Variants in TEN1 observed in about 807,000 individuals in gnomAD.
The protein encoded by TEN1 is CST complex subunit TEN1.
In TEN1, 6 loss-of-function variants were observed where a neutral mutation model predicts 9.3. That is an observed-to-expected ratio of 0.65 (90% CI 0.35 to 1.27). The LOEUF (loss-of-function observed/expected upper bound fraction) is 1.27. Among genes scored for constraint, TEN1 ranks in the 50% most tolerant of loss-of-function variants. The pLI is 0.03. For synonymous variants in TEN1, 65 were observed against 65.6 expected (o/e 0.99, Z 0.04); for missense variants, 149 against 158.2 (o/e 0.94, Z 0.31).
intron 2 of TEN1, among the ~76,000 whole-genome samples, chr17:75,987,954 C>A (rs1204251374): frequency 1.4e-5 from 2 of 142,714 alleles, no homozygotes; most frequent in Admixed American, 7.1e-5. Context: ...AGTATTTTAA[C>A]CTAGCCTGGG....
rs1000735619 is a variant in TEN1 at position 75,990,693 on chromosome 17, G to A, written c.93-773G>A. On this transcript the variant is annotated intron_variant, in intron 2 of 3. Transcript: ENST00000397640. ...TACAAAAAATTAAAATATTAGCCAC[G>A]TGTGATGGCAAGTACCTATAGTCCC... 1.3e-5 allele frequency among the ~76,000 whole-genome samples: 2 copies of A among 150,822 alleles called. 1 individual carries two copies. Among genetic ancestry groups the A allele is most frequent in the Non-Finnish European group, 2.9e-5 (2 of 67,868 alleles).
chr17:75,980,939 C>T (rs1022216790), intron 1 of TEN1, among the ~76,000 whole-genome samples: 1 of 152,160 alleles, frequency 6.6e-6, no homozygotes, highest in East Asian at 1.9e-4. Flanking sequence ...ACAGTGCCTG[C>T]CCCGCTAAAG....
At chr17:75,992,226 A>AT (rs1399934586) in intron 3 of TEN1, among the ~76,000 whole-genome samples, 2 of 133,818 alleles carry the variant, frequency 1.5e-5, no homozygotes, top group Non-Finnish European at 3.4e-5. Flanking sequence ...GAGTCTTAAA[A>AT]ATTTTTTTTT....
chr17:75,996,404 G>C (rs2066218005), intron 3 of TEN1, among the ~76,000 whole-genome samples: 1 of 152,100 alleles, frequency 6.6e-6, no homozygotes, highest in South Asian at 2.1e-4. Flanking sequence ...AGAATCGCTT[G>C]AAACTGGGAG....
intron 1 of TEN1, among the ~76,000 whole-genome samples, chr17:75,980,427 C>T (rs1367173184): frequency 1.4e-5 from 2 of 146,704 alleles, no homozygotes; most frequent in African/African-American, 2.6e-5. Context: ...CATCTCTAGT[C>T]ATTTTTTTTT....
intron 2 of TEN1, among the ~76,000 whole-genome samples, chr17:75,989,494 C>T (rs1224440601): frequency 6.6e-6 from 1 of 151,746 alleles, no homozygotes; most frequent in Non-Finnish European, 1.5e-5. Flanking sequence ...TCACTGCAAC[C>T]TCCAACTCCC....
In TEN1 at chr17:76,000,118, G is replaced by A. The variant is rs367769284; in HGVS notation, c.251-23G>A. 5.1e-5 allele frequency: 79 copies of A among 1,548,278 alleles called. No homozygotes were observed. The highest frequency in any genetic ancestry group is 1.6e-4 in the African/African-American group (12 of 73,072). ...TTGACACGCCGCTCAGTCGCCGTTC[G>A]TGCCCTGGTGTTTGTCTTGCAGACA... On this transcript the variant is annotated intron_variant, in intron 3 of 3. Transcript: ENST00000397640. The surrounding 1 kb of genome is among the most constrained non-coding windows in gnomAD (Gnocchi z 5.9).
At chr17:75,979,806 C>T (rs1003857309) in intron 1 of TEN1, among the ~76,000 whole-genome samples, 2 of 151,610 alleles carry the variant, frequency 1.3e-5, no homozygotes, top group Non-Finnish European at 1.5e-5. Flanking sequence ...AAGATAATGG[C>T]GTCTTTACTG....
Position 75,991,544 on chromosome 17 carries a change from C to T in TEN1, c.171C>T (p.Val57=). Reference sequence around the variant, plus strand: ...GATCCGATCAGCACCAGGTTCTTGTCTGTACCAAGTTGGTGGAGCCCTTCC... The same window carrying T: ...GATCCGATCAGCACCAGGTTCTTGTTTGTACCAAGTTGGTGGAGCCCTTCC... ...QHGSDQHQVL[V]CTKLVEPFHA... is the part of the protein sequence containing the mutation. The change falls in exon 3 of 4, where the codon GTC becomes GTT. Residue 57 remains valine (V), a synonymous_variant. Transcript: ENST00000397640. The T allele has an allele frequency of 6.4e-7, 1 of 1,552,354 alleles. No individual in the cohort carries two copies. Among genetic ancestry groups the T allele is most frequent in the Non-Finnish European group, 8.7e-7 (1 of 1,147,132 alleles).
rs530527000 is a variant in TEN1, at chr17:75,990,901, G to A, written c.93-565G>A. Among the ~76,000 whole-genome samples, 3 of 151,972 alleles carry A rather than the reference G, an allele frequency of 2.0e-5. 1 individual carries two copies. The South Asian group carries it at 6.2e-4, about 32-fold the overall frequency. On this transcript the variant is annotated intron_variant, in intron 2 of 3. Coordinates refer to ENST00000397640, the MANE Select transcript of TEN1 (RefSeq NM_001113324.3). The stretch of plus-strand genomic sequence containing the variant: ...GTGGTGGCTCATGCCTGTAATCCCA[G>A]TACTTTGGGAGGCTGAGGTGGGTGG...
In TEN1 at chr17:76,000,150, CCGTGGTGAAGGCGCG is replaced by C; in HGVS notation, c.265_279del (p.Val89_Val93del). 6.4e-7 allele frequency: 1 copy of C among 1,551,146 alleles called. No homozygotes were observed. The highest frequency in any genetic ancestry group is 8.7e-7 in the Non-Finnish European group (1 of 1,146,758). On this transcript the variant is annotated inframe_deletion, in exon 4 of 4. Transcript: ENST00000397640. This position sits in a 1 kb window ranked among gnomAD's most constrained non-coding sequence, Gnocchi z 5.9. ...GGTGTTTGTCTTGCAGACAGAGGCTCCGTGGTGAAGGCGCGCGTGCTGACCTGTGTGGAGGGGATG... is the reference window on the plus strand; with the variant it reads ...GGTGTTTGTCTTGCAGACAGAGGCTCCGTGCTGACCTGTGTGGAGGGGATG...
Position 75,979,425 on chromosome 17 carries a change from A to G in TEN1, c.-93A>G. 1 of 416,046 alleles carries G rather than the reference A, an allele frequency of 2.4e-6. No homozygotes were observed. Among genetic ancestry groups the G allele is most frequent in the Non-Finnish European group, 4.5e-6 (1 of 222,106 alleles). The allele number at this position is 416,046 out of a possible 1,614,324, so 25.8% of individuals were successfully genotyped here. On this transcript the variant is annotated 5_prime_UTR_variant, in exon 1 of 4. Coordinates refer to ENST00000397640, the MANE Select transcript of TEN1 (RefSeq NM_001113324.3). ...GGGCGTCCGGGGAGTGGGAAAATAA[A>G]GCACTTTTTGTATCCCGCCCCTCCC...
chr17:75,979,323 C>T lies in TEN1; in HGVS notation c.-195C>T. ...GGGGCCGGTCGCGGGGCAGACTAAT[C>T]CCCTGCTCCTGGCCAGGGGAGGCTC... On this transcript the variant is annotated 5_prime_UTR_variant, in exon 1 of 4. Coordinates refer to ENST00000397640, the MANE Select transcript of TEN1 (RefSeq NM_001113324.3). 6.7e-6 allele frequency: 4 copies of T among 598,686 alleles called. No homozygotes were observed. Among genetic ancestry groups the T allele is most frequent in the Non-Finnish European group, 1.2e-5 (4 of 337,164 alleles). 37.1% of individuals were successfully genotyped at this position (598,686 alleles called of 1,614,324 possible). A position where few individuals can be genotyped will look rare whatever the true frequency, so the allele number is the denominator to read the frequency against.
intron 2 of TEN1, among the ~76,000 whole-genome samples, chr17:75,991,162 AAAAAAAG>A (rs1399868085): frequency 7.3e-5 from 11 of 150,672 alleles, no homozygotes; most frequent in East Asian, 1.9e-4. Context: ...AAAAAAAAAA[AAAAAAAG>A]AAAAAAGAAA....
At chr17:75,983,872 A>G (rs971786500) in intron 1 of TEN1, among the ~76,000 whole-genome samples, 5 of 152,074 alleles carry the variant, frequency 3.3e-5, no homozygotes, top group African/African-American at 1.2e-4. Flanking sequence ...GGTGTCAGAC[A>G]TGCAAAAAAC....
At chr17:75,983,019 G>A (rs1211391754) in intron 1 of TEN1, among the ~76,000 whole-genome samples, 1 of 150,936 alleles carries the variant, frequency 6.6e-6, no homozygotes, top group African/African-American at 2.4e-5. Context: ...GGTGTCTCAC[G>A]CCTGTAGTCC....
intron 3 of TEN1, among the ~76,000 whole-genome samples, chr17:75,995,949 G>T (rs994100755): frequency 6.6e-6 from 1 of 152,068 alleles, no homozygotes; most frequent in Admixed American, 6.6e-5. Context: ...AATATTAGTG[G>T]GGTGTGGTGG....
Position 75,986,215 on chromosome 17 carries a change from CCTATTACCT to C in TEN1, c.25_33del (p.Tyr9_Leu11del). 6.5e-7 allele frequency: 1 copy of C among 1,549,424 alleles called. No individual in the cohort carries two copies. Among genetic ancestry groups the C allele is most frequent in the South Asian group, 1.2e-5 (1 of 83,644 alleles). ...CCCATGATGCTGCCCAAACCTGGGA[CCTATTACCT>C]CCCCTGGGAGGTTAGTGCAGGCCAA... On this transcript the variant is annotated inframe_deletion, in exon 2 of 4. Coordinates refer to ENST00000397640, the MANE Select transcript of TEN1 (RefSeq NM_001113324.3).
intron 1 of TEN1, 23 bp downstream of exon 1, chr17:75,979,534 G>A: frequency 3.3e-6 from 1 of 302,414 alleles, no homozygotes; most frequent in Non-Finnish European, 6.5e-6. Context: ...CTTGGGAAGG[G>A]GGCGGGACAA....
Sources: gnomAD v4.1 joint callset for allele counts (sites outside exome capture counted in the v4.1 genomes callset) on GRCh38, gnomAD v4.1.1 for gene constraint, Gnocchi (gnomAD v3.1) non-coding constraint, MANE v1.5 for transcripts, NCBI Gene and HGNC (gene_info 2026-07-23, HGNC 2026-07-21) for gene names.